SPRY3: variants seen among roughly 807,000 people sequenced by gnomAD.
The protein encoded by SPRY3 is protein sprouty homolog 3.
In SPRY3, 15 loss-of-function variants were observed where a neutral mutation model predicts 20.2. The observed-to-expected ratio is 0.74, with a 90% CI of 0.50 to 1.14. SPRY3 has a LOEUF of 1.14. SPRY3 is among the 50% of genes most tolerant of loss of function. The probability of loss-of-function intolerance (pLI) is 0.00; values close to 1 mark genes in which losing one functional copy is unlikely to be tolerated. For synonymous variants in SPRY3, 143 were observed against 136.5 expected, an observed-to-expected ratio of 1.05 and a Z score of -0.33; for missense variants, 364 against 363.9, an observed-to-expected ratio of 1.00 and a Z score of 0.00.
At chrX:155,774,411 C>G in exon 4 of SPRY3, 3 of 1,614,040 alleles carry the variant, frequency 1.9e-6, no homozygotes, top group Non-Finnish European at 2.5e-6. Context: ...CTGCTGAGAG[C>G]CTCCTCGATT....
At chrX:155,680,356 G>C (rs1428500500) in intron 2 of SPRY3, among the ~76,000 whole-genome samples, 1 of 109,573 alleles carries the variant, frequency 9.1e-6, no homozygotes, top group Non-Finnish European at 1.9e-5. Flanking sequence ...CACCATGAGA[G>C]AATGGTGACG....
intron 3 of SPRY3, 139 bp downstream of exon 2, chrX:155,768,275 T>G (rs764365117): frequency 1.3e-5 from 2 of 152,122 alleles, no homozygotes; most frequent in South Asian, 4.2e-4. Flanking sequence ...CGCAAGCGCA[T>G]GGATAAAATA....
intron 2 of SPRY3, among the ~76,000 whole-genome samples, chrX:155,709,821 T>C (rs1054124859): frequency 2.0e-5 from 3 of 151,814 alleles, no homozygotes; most frequent in Non-Finnish European, 3.0e-5. Flanking sequence ...ATTTAATCCA[T>C]TTGGATTTGG....
chrX:155,732,817 T>C (rs2091142654), intron 2 of SPRY3, among the ~76,000 whole-genome samples: 1 of 152,080 alleles, frequency 6.6e-6, no homozygotes, highest in South Asian at 2.1e-4. Context: ...TATTCAGCCT[T>C]ATAAAATACG....
At chrX:155,617,268 A>G (rs781845137) in intron 1 of SPRY3, among the ~76,000 whole-genome samples, 1 of 110,248 alleles carries the variant, frequency 9.1e-6, no homozygotes, top group African/African-American at 3.3e-5. Flanking sequence ...GTATCAGTCA[A>G]GGTTCTTAGT....
intron 2 of SPRY3, among the ~76,000 whole-genome samples, chrX:155,760,521 C>G (rs5940571): frequency 0.34 from 51,125 of 151,946 alleles, 10,058 homozygotes; most frequent in African/African-American, 0.55. Flanking sequence ...ACTGTAACAG[C>G]GACAAAGTTT....
intron 1 of SPRY3, among the ~76,000 whole-genome samples, chrX:155,633,465 G>A (rs782738291): frequency 7.4e-5 from 8 of 107,507 alleles, no homozygotes; most frequent in Non-Finnish European, 1.3e-4. Flanking sequence ...GAAACACCCC[G>A]GAGCACTGCC....
intron 2 of SPRY3, among the ~76,000 whole-genome samples, chrX:155,734,921 C>T (rs983596003): frequency 3.3e-5 from 5 of 151,576 alleles, no homozygotes; most frequent in African/African-American, 1.2e-4. Context: ...CCTTTCTTTT[C>T]TAGTTTCCTC....
At chrX:155,713,544 G>T (rs1427956598) in intron 2 of SPRY3, among the ~76,000 whole-genome samples, 1 of 152,078 alleles carries the variant, frequency 6.6e-6, no homozygotes, top group Non-Finnish European at 1.5e-5. Context: ...TGCCTGTAAG[G>T]TTTCCACTGA....
intron 2 of SPRY3, among the ~76,000 whole-genome samples, chrX:155,736,061 C>T (rs2091167169): frequency 6.6e-6 from 1 of 151,886 alleles, no homozygotes; most frequent in African/African-American, 2.4e-5. Context: ...TAACACCATA[C>T]TGGTTCACAG....
At chrX:155,711,425 T>C (rs1271712349) in intron 2 of SPRY3, among the ~76,000 whole-genome samples, 1 of 151,844 alleles carries the variant, frequency 6.6e-6, no homozygotes, top group Admixed American at 6.6e-5. Flanking sequence ...TTCTAAATTT[T>C]CCAATTTATT....
chrX:155,710,071 A>G (rs1362932310), intron 2 of SPRY3, among the ~76,000 whole-genome samples: 1 of 151,522 alleles, frequency 6.6e-6, no homozygotes, highest in Non-Finnish European at 1.5e-5. Context: ...TAGCTCTGTA[A>G]TATAATTTGA....
chrX:155,655,657 T>G (rs1387853519), intron 1 of SPRY3, among the ~76,000 whole-genome samples: 2 of 111,375 alleles, frequency 1.8e-5, no homozygotes, highest in African/African-American at 6.5e-5. Context: ...GATACGTGGC[T>G]TTATTTCTGG....
At chrX:155,626,788 T>G (rs1192641535) in intron 1 of SPRY3, among the ~76,000 whole-genome samples, 2 of 111,635 alleles carry the variant, frequency 1.8e-5, no homozygotes, top group Non-Finnish European at 3.8e-5. Context: ...AGTGTCCTGT[T>G]TTTTTAGCCA....
At chrX:155,655,591 A>G (rs1487638887) in intron 1 of SPRY3, among the ~76,000 whole-genome samples, 1 of 111,802 alleles carries the variant, frequency 8.9e-6, no homozygotes, top group African/African-American at 3.3e-5. Flanking sequence ...AAATAGTCCC[A>G]GCACCATATA....
intron 2 of SPRY3, among the ~76,000 whole-genome samples, chrX:155,719,527 A>G (rs1046747850): frequency 2.1e-4 from 32 of 151,732 alleles, no homozygotes; most frequent in Non-Finnish European, 4.4e-4. Flanking sequence ...CTAACCCCTA[A>G]CCCCTGGCTG....
Position 155,649,634 on chromosome X carries a change from C to G in SPRY3, c.-440-7233C>G, listed in dbSNP as rs200380122. ...GGAACATATCTCAAAATAATAAGAC[C>G]TATTTATGGCAAACCCACAGCCAAT... On this transcript the variant is annotated intron_variant, in intron 1 of 3. Coordinates refer to ENST00000675360, the Ensembl canonical transcript of SPRY3. Among the ~76,000 whole-genome samples, 107 of 110,711 alleles carry G rather than the reference C, an allele frequency of 9.7e-4. No homozygotes were observed. The East Asian group carries it at 0.025, about 26-fold the overall frequency.
At chrX:155,683,146 G>C (rs2068078465) in intron 2 of SPRY3, among the ~76,000 whole-genome samples, 1 of 112,424 alleles carries the variant, frequency 8.9e-6, no homozygotes. Context: ...TTGTTGAAAT[G>C]ACAACAAAGG....
Position 155,624,572 on chromosome X carries a change from A to G in SPRY3, c.-441+11925A>G, listed in dbSNP as rs782437916. On this transcript the variant is annotated intron_variant, in intron 1 of 3. Coordinates refer to ENST00000675360, the Ensembl canonical transcript of SPRY3. Reference sequence around the variant, plus strand: ...TCTATCTATCTATCATCTATCATCTATACATCTATTTGTGGCCATAGCAAC... The same window carrying G: ...TCTATCTATCTATCATCTATCATCTGTACATCTATTTGTGGCCATAGCAAC... Among the ~76,000 whole-genome samples the G allele has an allele frequency of 1.2e-4, 13 of 110,068 alleles. No homozygotes were observed. The East Asian group carries it at 3.1e-3, about 27-fold the overall frequency.
Sources: gnomAD v4.1 joint callset for allele counts (sites outside exome capture counted in the v4.1 genomes callset) on GRCh38, gnomAD v4.1.1 for gene constraint, MANE v1.5 for transcripts, NCBI Gene and HGNC (gene_info 2026-07-23, HGNC 2026-07-21) for gene names.